The following ARPP21 variants were observed in gnomAD, a reference collection of about 807,000 sequenced individuals.
ARPP21 encodes cAMP regulated phosphoprotein 21, also known as cAMP-regulated phosphoprotein 21.
ARPP21 carries 69 observed loss-of-function variants against 113.2 expected under a neutral mutation model. The observed-to-expected ratio is 0.61, with a 90% CI of 0.50 to 0.74. ARPP21 has a LOEUF of 0.74. Ranked by LOEUF, ARPP21 falls within the 30% of genes least tolerant of loss-of-function variation. The pLI is 0.00. For synonymous variants in ARPP21, 368 were observed against 375.5 expected, an observed-to-expected ratio of 0.98 and a Z score of 0.23; for missense variants, 1,070 against 1,037.4, an observed-to-expected ratio of 1.03 and a Z score of -0.43.
chr3:35,770,006 T>G (rs1270987579), intron 19 of ARPP21, among the ~76,000 whole-genome samples: 1 of 152,174 alleles, frequency 6.6e-6, no homozygotes, highest in East Asian at 1.9e-4. Flanking sequence ...ACTCCCTACT[T>G]AAAGTTGCCA....
chr3:35,741,083 C>A (rs1257284321), intron 18 of ARPP21, among the ~76,000 whole-genome samples: 1 of 152,012 alleles, frequency 6.6e-6, no homozygotes, highest in Non-Finnish European at 1.5e-5. Flanking sequence ...GCCTAGGAAA[C>A]AATGCAAGAC....
chr3:35,688,033 G>T, intron 6 of ARPP21, 150 bp downstream of exon 6: 1 of 678,522 alleles, frequency 1.5e-6, no homozygotes, highest in East Asian at 3.2e-5. Flanking sequence ...TAAAAAATGT[G>T]AACTTGATTT....
At chr3:35,712,555 T>TGTGTGTGA (rs2091468361) in intron 11 of ARPP21, among the ~76,000 whole-genome samples, 1 of 140,580 alleles carries the variant, frequency 7.1e-6, no homozygotes, top group African/African-American at 2.7e-5. Context: ...TGTGTGTGTG[T>TGTGTGTGA]GTGTGTGAAA....
At chr3:35,785,310 C>T (rs879601908) in intron 19 of ARPP21, 1 of 152,160 alleles carries the variant, frequency 6.6e-6, no homozygotes, top group Non-Finnish European at 1.5e-5. Flanking sequence ...GTCTTTCTCC[C>T]TCTGGGTTGT....
Position 35,667,981 on chromosome 3 carries a change from G to C in ARPP21, c.-212-11806G>C, listed in dbSNP as rs1360048759. Among the ~76,000 whole-genome samples the C allele has an allele frequency of 1.4e-5, 2 of 144,102 alleles. 1 individual carries two copies. Among genetic ancestry groups the C allele is most frequent in the African/African-American group, 5.3e-5 (2 of 37,938 alleles). 94.5% of individuals were successfully genotyped at this position (144,102 alleles called of 152,430 possible). A position where few individuals can be genotyped will look rare whatever the true frequency, so the allele number is the denominator to read the frequency against. On this transcript the variant is annotated intron_variant, in intron 1 of 20. Coordinates refer to ENST00000684406, the MANE Select transcript of ARPP21 (RefSeq NM_001385562.1). ...AGAAGAAGAAGAAGAAGAAGAAGAA[G>C]AAGAAGAAGAAGAAGAAGAAGAAGA...
chr3:35,765,512 C>G (rs1337797209), intron 19 of ARPP21, among the ~76,000 whole-genome samples: 1 of 152,148 alleles, frequency 6.6e-6, no homozygotes. Flanking sequence ...AGCCAGCAAG[C>G]TTTCTTGTCA....
At chr3:35,776,172 A>T (rs1476533481) in intron 19 of ARPP21, among the ~76,000 whole-genome samples, 1 of 152,194 alleles carries the variant, frequency 6.6e-6, no homozygotes, top group Non-Finnish European at 1.5e-5. Context: ...AATGTTATTA[A>T]ACATTGCATT....
chr3:35,777,727 A>T (rs1379081532), intron 19 of ARPP21, among the ~76,000 whole-genome samples: 1 of 152,094 alleles, frequency 6.6e-6, no homozygotes, highest in African/African-American at 2.4e-5. Context: ...ACCCATTGTT[A>T]TCTATTTGAT....
chr3:35,744,681 G>T (rs2094906567), intron 19 of ARPP21: 2 of 303,662 alleles, frequency 6.6e-6, no homozygotes, highest in African/African-American at 4.5e-5. Flanking sequence ...ACTGCTAATT[G>T]TCATGCTGAA....
intron 12 of ARPP21, among the ~76,000 whole-genome samples, chr3:35,716,193 G>T (rs990491919): frequency 6.6e-6 from 1 of 151,988 alleles, no homozygotes; most frequent in African/African-American, 2.4e-5. Flanking sequence ...GATACTCAGG[G>T]CAAATTAAGG....
chr3:35,647,622 C>T (rs551542458), intron 1 of ARPP21, among the ~76,000 whole-genome samples: 3 of 152,282 alleles, frequency 2.0e-5, no homozygotes, highest in African/African-American at 4.8e-5. Flanking sequence ...GTATCTGAAT[C>T]GCATTTTCTG....
chr3:35,709,348 T>C (rs2090314092), intron 11 of ARPP21, among the ~76,000 whole-genome samples: 1 of 152,264 alleles, frequency 6.6e-6, no homozygotes, highest in East Asian at 1.9e-4. Context: ...ACAGAAAGTG[T>C]TTGTCAGATT....
rs376535336 is a variant in ARPP21 at position 35,748,547 on chromosome 3, T to C, written c.2137+4582T>C. On this transcript the variant is annotated intron_variant, in intron 19 of 20. Coordinates refer to ENST00000684406, the MANE Select transcript of ARPP21 (RefSeq NM_001385562.1). ...GGAAAGAAAAGCAGTTATCAGCTTA[T>C]GGCTTGTTTATAAAAAGACTGTAAT... Among the ~76,000 whole-genome samples, 32 of 152,220 alleles carry C rather than the reference T, an allele frequency of 2.1e-4. 1 individual carries two copies. The East Asian group carries it at 3.7e-3, about 17-fold the overall frequency.
At position 35,773,155 on chromosome 3, in the gene ARPP21, A is replaced by G. The variant is rs1394278871; in HGVS notation, c.2138-19227A>G. Among the ~76,000 whole-genome samples, 3 of 152,106 alleles carry G rather than the reference A, an allele frequency of 2.0e-5. No homozygotes were observed. The East Asian group carries it at 5.8e-4, about 29-fold the overall frequency. On this transcript the variant is annotated intron_variant, in intron 19 of 20. Transcript: ENST00000684406. The stretch of plus-strand genomic sequence containing the variant: ...TTACAATATAATGCATTTTTGGTGA[A>G]CCCTGGGAGTGGCGTACTCTTAGCA...
At chr3:35,647,738 A>C (rs1700787604) in intron 1 of ARPP21, among the ~76,000 whole-genome samples, 1 of 152,054 alleles carries the variant, frequency 6.6e-6, no homozygotes, top group Non-Finnish European at 1.5e-5. Context: ...AAAGCTCTAA[A>C]CCTCTCTGTG....
chr3:35,659,555 C>A (rs1042164786), intron 1 of ARPP21, among the ~76,000 whole-genome samples: 2 of 152,098 alleles, frequency 1.3e-5, no homozygotes, highest in Non-Finnish European at 2.9e-5. Flanking sequence ...GGTGAACTTA[C>A]AGCCTGACTC....
At chr3:35,782,377 A>G (rs1399025650) in intron 19 of ARPP21, among the ~76,000 whole-genome samples, 3 of 152,176 alleles carry the variant, frequency 2.0e-5, no homozygotes, top group African/African-American at 4.8e-5. Flanking sequence ...AATCATGTTC[A>G]TAAAATAAAT....
At chr3:35,729,240 C>G in intron 14 of ARPP21, 63 bp from the exon 15 acceptor site, 1 of 1,160,630 alleles carries the variant, frequency 8.6e-7, no homozygotes. Flanking sequence ...CATTTAGACT[C>G]AGATTGGTGC....
intron 19 of ARPP21, among the ~76,000 whole-genome samples, chr3:35,763,970 C>T (rs1197916845): frequency 2.6e-5 from 4 of 151,926 alleles, no homozygotes; most frequent in Admixed American, 2.0e-4. Flanking sequence ...TTGAGACCCG[C>T]CTGGGCAACA....
Sources: allele counts gnomAD v4.1 joint callset (sites outside exome capture counted in the v4.1 genomes callset), GRCh38; gene constraint gnomAD v4.1.1; transcripts MANE v1.5; gene names NCBI Gene and HGNC (gene_info 2026-07-23, HGNC 2026-07-21).